REDIC1: variants seen among roughly 807,000 people sequenced by gnomAD.
REDIC1 encodes the protein regulator of DNA class I crossover intermediates 1.
the REDIC1 span, among the ~76,000 whole-genome samples, chr12:39,677,780 C>G: frequency 1.3e-5 from 2 of 152,168 alleles, no homozygotes; most frequent in South Asian, 4.1e-4. Flanking sequence ...AAATCAACTC[C>G]AAAAGGAACC....
the REDIC1 span, among the ~76,000 whole-genome samples, chr12:39,848,286 A>G: frequency 6.6e-6 from 1 of 152,214 alleles, no homozygotes; most frequent in Non-Finnish European, 1.5e-5. Context: ...GCATCTGACA[A>G]AGGTCTAATA....
chr12:39,641,935 G>A, the REDIC1 span, among the ~76,000 whole-genome samples: 1 of 151,648 alleles, frequency 6.6e-6, no homozygotes, highest in East Asian at 1.9e-4. Flanking sequence ...CAATTGAAAG[G>A]ATATTTGTCA....
the REDIC1 span, among the ~76,000 whole-genome samples, chr12:39,782,588 A>G: frequency 6.6e-6 from 1 of 152,164 alleles, no homozygotes; most frequent in Non-Finnish European, 1.5e-5. Context: ...AAAATGGACT[A>G]ATACAGTAAA....
chr12:39,864,644 T>G, the REDIC1 span: 1 of 1,360,698 alleles, frequency 7.3e-7, no homozygotes, highest in Non-Finnish European at 9.9e-7. Flanking sequence ...CTTCCCTTCT[T>G]ACATAAGCCT....
the REDIC1 span, among the ~76,000 whole-genome samples, chr12:39,822,977 A>G: frequency 3.9e-5 from 6 of 152,216 alleles, no homozygotes; most frequent in Non-Finnish European, 8.8e-5. Context: ...TTGCAACATA[A>G]ATAGTATCCG....
At chr12:39,893,562 A>G in the REDIC1 span, among the ~76,000 whole-genome samples, 1 of 152,228 alleles carries the variant, frequency 6.6e-6, no homozygotes, top group South Asian at 2.1e-4. Context: ...GGTCTCCCAA[A>G]GTGCTGGAAT....
At chr12:39,646,881 C>T in the REDIC1 span, 2 of 1,595,948 alleles carry the variant, frequency 1.3e-6, no homozygotes, top group South Asian at 1.1e-5. Context: ...GATCTTGGCC[C>T]AGTCCAGGTG....
the REDIC1 span, among the ~76,000 whole-genome samples, chr12:39,868,217 T>C: frequency 6.6e-6 from 1 of 152,324 alleles, no homozygotes; most frequent in East Asian, 1.9e-4. Flanking sequence ...GTTCTTTATG[T>C]TTCAAGAGAA....
chr12:39,646,960 G>A, the REDIC1 span: 1 of 994,668 alleles, frequency 1.0e-6, no homozygotes, highest in Non-Finnish European at 1.5e-6. Context: ...CTAAATGTCT[G>A]AATACTGGAG....
the REDIC1 span, chr12:39,829,389 A>ATTTTTTT: frequency 3.7e-4 from 24 of 65,718 alleles, no homozygotes; most frequent in South Asian, 9.6e-4. Context: ...TGTGATAGTA[A>ATTTTTTT]TTCTTTTTTT....
chr12:39,768,596 A>G, the REDIC1 span, among the ~76,000 whole-genome samples: 1 of 152,090 alleles, frequency 6.6e-6, no homozygotes, highest in Non-Finnish European at 1.5e-5. Context: ...AGGCTCCAGG[A>G]GAGGGAGACA....
the REDIC1 span, among the ~76,000 whole-genome samples, chr12:39,751,240 G>T: frequency 4.0e-5 from 6 of 151,108 alleles, no homozygotes; most frequent in African/African-American, 1.5e-4. Context: ...CATCAAAAAG[G>T]ATATGAACAG....
At chr12:39,711,868 C>CATGCATGTGTATGT in the REDIC1 span, among the ~76,000 whole-genome samples, 146 of 56,902 alleles carry the variant, frequency 2.6e-3, 2 homozygotes, top group African/African-American at 0.013. Context: ...TGTGTATACA[C>CATGCATGTGTATGT]GTATACACAT....
At chr12:39,662,705 C>G in the REDIC1 span, among the ~76,000 whole-genome samples, 3 of 152,060 alleles carry the variant, frequency 2.0e-5, no homozygotes, top group African/African-American at 7.2e-5. Context: ...TTGTCTTGTT[C>G]TAGTTCTTAA....
At chr12:39,801,608 T>C in the REDIC1 span, among the ~76,000 whole-genome samples, 1 of 152,330 alleles carries the variant, frequency 6.6e-6, no homozygotes. Flanking sequence ...CCCAATGTAC[T>C]AGTCATAGGA....
chr12:39,733,137 C>G, the REDIC1 span, among the ~76,000 whole-genome samples: 1 of 151,376 alleles, frequency 6.6e-6, no homozygotes, highest in Non-Finnish European at 1.5e-5. Flanking sequence ...ATTTGATGTT[C>G]TAAATTCAAA....
chr12:39,705,880 C>G, the REDIC1 span, among the ~76,000 whole-genome samples: 1 of 152,036 alleles, frequency 6.6e-6, no homozygotes, highest in African/African-American at 2.4e-5. Context: ...AACTGAAAGG[C>G]TTTCCTCTAA....
At chr12:39,666,810 G>A in the REDIC1 span, among the ~76,000 whole-genome samples, 50 of 152,196 alleles carry the variant, frequency 3.3e-4, no homozygotes, top group Middle Eastern at 3.4e-3. Context: ...TGTATGTGTC[G>A]AGGAATTTAT....
At chr12:39,783,734 T>C in the REDIC1 span, among the ~76,000 whole-genome samples, 1 of 152,208 alleles carries the variant, frequency 6.6e-6, no homozygotes, top group Non-Finnish European at 1.5e-5. Flanking sequence ...CTTGTAAATT[T>C]GTTTGAGTTC....
Sources: allele counts gnomAD v4.1 joint callset (sites outside exome capture counted in the v4.1 genomes callset), GRCh38; gene constraint gnomAD v4.1.1; transcripts MANE v1.5; gene names NCBI Gene and HGNC (gene_info 2026-07-23, HGNC 2026-07-21).